The following LIMCH1 variants were observed in gnomAD, a reference collection of about 807,000 sequenced individuals.
LIMCH1 encodes the protein LIM and calponin homology domains 1, also known as LIM and calponin homology domains-containing protein 1.
In LIMCH1, 113 loss-of-function variants were observed where a neutral mutation model predicts 176.5. The observed-to-expected ratio is 0.64, with a 90% CI of 0.55 to 0.75. The LOEUF (loss-of-function observed/expected upper bound fraction) is 0.75, where lower values mean the gene tolerates loss of function less well. Ranked by LOEUF, LIMCH1 falls within the 30% of genes least tolerant of loss-of-function variation. The pLI, the probability that LIMCH1 is intolerant of heterozygous loss-of-function variation, is 0.00. For synonymous variants in LIMCH1, 619 were observed against 645.9 expected (o/e 0.96, Z 0.63); for missense variants, 1,674 against 1,814.9 (o/e 0.92, Z 1.41).
intron 1 of LIMCH1, among the ~76,000 whole-genome samples, chr4:41,397,414 G>A (rs751185429): frequency 3.3e-5 from 5 of 152,078 alleles, no homozygotes; most frequent in Non-Finnish European, 7.4e-5. Context: ...TGGTAAAGAT[G>A]TATTAATTCC....
chr4:41,654,392 A>C (rs1049733328), intron 18 of LIMCH1, among the ~76,000 whole-genome samples: 2 of 152,178 alleles, frequency 1.3e-5, no homozygotes, highest in Non-Finnish European at 2.9e-5. Context: ...CCAACCGCGA[A>C]TGTAAGCGTT....
At chr4:41,385,446 T>G (rs1377349) in intron 1 of LIMCH1, among the ~76,000 whole-genome samples, 60,078 of 152,032 alleles carry the variant, frequency 0.4, 14,145 homozygotes, top group African/African-American at 0.66. Context: ...TTCCTTAAAT[T>G]TCTGTGGCAA....
intron 1 of LIMCH1, among the ~76,000 whole-genome samples, chr4:41,593,123 A>G (rs899718078): frequency 3.9e-5 from 6 of 152,272 alleles, no homozygotes; most frequent in African/African-American, 1.4e-4. Flanking sequence ...AGTTGCAAGG[A>G]TGTCTTTAGA....
chr4:41,604,676 C>T (rs943108715), intron 3 of LIMCH1, among the ~76,000 whole-genome samples: 2 of 152,104 alleles, frequency 1.3e-5, no homozygotes, highest in Non-Finnish European at 2.9e-5. Context: ...CCCCGTTATA[C>T]CTTTTAAGAT....
intron 1 of LIMCH1, among the ~76,000 whole-genome samples, chr4:41,486,947 G>C (rs1430631257): frequency 7.4e-6 from 1 of 135,398 alleles, no homozygotes; most frequent in African/African-American, 2.9e-5. Flanking sequence ...ACGCCCAGCT[G>C]ATATATATAT....
intron 1 of LIMCH1, among the ~76,000 whole-genome samples, chr4:41,457,541 T>C (rs2064765747): frequency 6.6e-6 from 1 of 152,108 alleles, no homozygotes; most frequent in South Asian, 2.1e-4. Context: ...AGTAGTTTTA[T>C]TATTTTTATT....
intron 1 of LIMCH1, among the ~76,000 whole-genome samples, chr4:41,557,595 A>G (rs2081452172): frequency 6.7e-6 from 1 of 148,382 alleles, no homozygotes; most frequent in African/African-American, 2.6e-5. Context: ...GATGAGGAGA[A>G]TTCTTAATAA....
chr4:41,545,823 T>C (rs2079297014), intron 1 of LIMCH1, among the ~76,000 whole-genome samples: 1 of 152,218 alleles, frequency 6.6e-6, no homozygotes, highest in Non-Finnish European at 1.5e-5. Flanking sequence ...AATATTAATA[T>C]GTTCAGTCAA....
chr4:41,574,177 A>C lies in LIMCH1; in HGVS notation c.-240-24743A>C, dbSNP rs145056563. ...CAAGTAAAAGTCTCAGAAAGATAAA[A>C]TGTGTTGAAGGTGTGAAGAGGACCA... On this transcript the variant is annotated intron_variant, in intron 1 of 31. Coordinates refer to ENST00000503057, the MANE Select transcript of LIMCH1 (RefSeq NM_001330672.2). Among the ~76,000 whole-genome samples, 5 of 149,000 alleles carry C rather than the reference A, an allele frequency of 3.4e-5. No individual in the cohort carries two copies. The East Asian group carries it at 1.0e-3, about 30-fold the overall frequency.
intron 30 of LIMCH1, among the ~76,000 whole-genome samples, chr4:41,691,467 C>G (rs193204191): frequency 1.5e-3 from 226 of 152,146 alleles, no homozygotes; most frequent in African/African-American, 4.6e-3. Context: ...GAACAGCAGG[C>G]TGGGCACGGT....
At chr4:41,620,714 C>A in intron 7 of LIMCH1, 24 bp downstream of exon 7, 1 of 1,512,874 alleles carries the variant, frequency 6.6e-7, no homozygotes, top group Non-Finnish European at 8.8e-7. Flanking sequence ...TGAGGGCTGG[C>A]CCGGCTGGCT....
At chr4:41,580,633 A>G (rs1228054690) in intron 1 of LIMCH1, among the ~76,000 whole-genome samples, 2 of 152,182 alleles carry the variant, frequency 1.3e-5, no homozygotes, top group African/African-American at 4.8e-5. Context: ...ATAAAGAGAA[A>G]CAAAATAAAC....
intron 1 of LIMCH1, among the ~76,000 whole-genome samples, chr4:41,487,336 C>T (rs1025055103): frequency 6.6e-6 from 1 of 152,082 alleles, no homozygotes; most frequent in Non-Finnish European, 1.5e-5. Flanking sequence ...GCATTTGAAT[C>T]GGTGGAGAGC....
intron 1 of LIMCH1, among the ~76,000 whole-genome samples, chr4:41,591,355 C>A (rs926607482): frequency 6.6e-6 from 1 of 152,132 alleles, no homozygotes; most frequent in Non-Finnish European, 1.5e-5. Context: ...GATTCTCCCA[C>A]CCCAGCCTCC....
At chr4:41,649,165 C>T (rs1217782701) in intron 17 of LIMCH1, among the ~76,000 whole-genome samples, 3 of 152,086 alleles carry the variant, frequency 2.0e-5, no homozygotes, top group Non-Finnish European at 4.4e-5. Flanking sequence ...TTTGGGAGGC[C>T]GAGGCAGGCA....
chr4:41,458,769 T>C (rs1425331571), intron 1 of LIMCH1, among the ~76,000 whole-genome samples: 1 of 110,924 alleles, frequency 9.0e-6, no homozygotes, highest in Non-Finnish European at 1.7e-5. Flanking sequence ...TGAGACTCTG[T>C]CACCAAAAAA....
At chr4:41,365,320 A>G (rs1208919834) in intron 1 of LIMCH1, among the ~76,000 whole-genome samples, 1 of 152,222 alleles carries the variant, frequency 6.6e-6, no homozygotes, top group Non-Finnish European at 1.5e-5. Flanking sequence ...TGCTGCCCAC[A>G]TAGAATTGTT....
intron 2 of LIMCH1, among the ~76,000 whole-genome samples, chr4:41,507,028 G>A (rs190898163): frequency 1.3e-5 from 2 of 152,230 alleles, no homozygotes; most frequent in East Asian, 3.9e-4. Context: ...CTCCTTCTTG[G>A]GTTTGAATAT....
chr4:41,499,686 C>T (rs1431639177), intron 2 of LIMCH1, among the ~76,000 whole-genome samples: 3 of 152,114 alleles, frequency 2.0e-5, no homozygotes, highest in Admixed American at 6.6e-5. Flanking sequence ...GGCGTGGTGG[C>T]GCATGCCTCT....
Sources: allele counts gnomAD v4.1 joint callset (sites outside exome capture counted in the v4.1 genomes callset), GRCh38; gene constraint gnomAD v4.1.1; transcripts MANE v1.5; gene names NCBI Gene and HGNC (gene_info 2026-07-23, HGNC 2026-07-21).